RERE: variants seen among roughly 807,000 people sequenced by gnomAD.
RERE encodes arginine-glutamic acid dipeptide repeats.
A neutral mutation model predicts 146.1 loss-of-function variants in RERE; 40 were observed. The observed-to-expected ratio is 0.27, with a 90% CI of 0.21 to 0.36. RERE has a LOEUF of 0.36. Among genes scored for constraint, RERE ranks in the 10% least tolerant of loss-of-function variants. The pLI is 1.00. For synonymous variants in RERE, 1,003 were observed against 866.0 expected (o/e 1.16, Z -2.78); for missense variants, 1,933 against 2,138.7 (o/e 0.90, Z 1.90).
intron 4 of RERE, among the ~76,000 whole-genome samples, chr1:8,585,239 T>C (rs907360767): frequency 4.0e-5 from 6 of 151,840 alleles, no homozygotes; most frequent in Non-Finnish European, 8.8e-5. Context: ...AGAAAAGAGA[T>C]AGAGATGGAA....
intron 1 of RERE, among the ~76,000 whole-genome samples, chr1:8,718,937 T>G (rs1639810464): frequency 6.6e-6 from 1 of 152,202 alleles, no homozygotes; most frequent in Non-Finnish European, 1.5e-5. Context: ...CCGTGTCATC[T>G]TGGACTCTGT....
intron 1 of RERE, among the ~76,000 whole-genome samples, chr1:8,675,314 T>C (rs1227065474): frequency 6.6e-6 from 1 of 152,010 alleles, no homozygotes; most frequent in Non-Finnish European, 1.5e-5. Context: ...ACAAATGACA[T>C]GATATGATAC....
Position 8,512,195 on chromosome 1 carries a change from G to A in RERE, c.831-3520C>T, listed in dbSNP as rs574914384. ...ACTACAGGCGCCCGCCACCGCGCCC[G>A]GCTAATTTTTTGTATTTTTAGTAGA... On this transcript the variant is annotated intron_variant, in intron 7 of 22. Transcript: ENST00000400908. 2.0e-4 allele frequency among the ~76,000 whole-genome samples: 29 copies of A among 147,928 alleles called. 1 individual carries two copies. The highest frequency in any genetic ancestry group is 1.5e-3 in the Admixed American group (22 of 14,824).
At chr1:8,722,238 C>G (rs1557503219) in intron 1 of RERE, among the ~76,000 whole-genome samples, 1 of 152,212 alleles carries the variant, frequency 6.6e-6, no homozygotes, top group South Asian at 2.1e-4. Flanking sequence ...CCTGCCTCAA[C>G]CTTTGCTAAC....
At chr1:8,659,815 A>C (rs971239802) in intron 1 of RERE, among the ~76,000 whole-genome samples, 17 of 152,222 alleles carry the variant, frequency 1.1e-4, no homozygotes, top group Non-Finnish European at 2.4e-4. Flanking sequence ...CAAAGAGAAA[A>C]AATAGTAAGT....
intron 10 of RERE, among the ~76,000 whole-genome samples, chr1:8,480,852 T>C (rs12568293): frequency 0.16 from 24,975 of 152,248 alleles, 2,369 homozygotes; most frequent in Middle Eastern, 0.29. Context: ...GATCAAACGG[T>C]AAGTGGATGT....
At chr1:8,761,520 T>C (rs1019100796) in intron 1 of RERE, among the ~76,000 whole-genome samples, 2 of 152,214 alleles carry the variant, frequency 1.3e-5, no homozygotes, top group African/African-American at 4.8e-5. Flanking sequence ...CTCCCCCACA[T>C]GTAAGACTAT....
At position 8,361,016 on chromosome 1, in the gene RERE, C is replaced by A; in HGVS notation, c.2491G>T (p.Gly831Trp). The A allele has an allele frequency of 7.0e-7, 1 of 1,434,894 alleles. No individual in the cohort carries two copies. The highest frequency in any genetic ancestry group is 9.1e-7 in the Non-Finnish European group (1 of 1,100,338). The allele number at this position is 1,434,894 out of a possible 1,614,324, so 88.9% of individuals were successfully genotyped here. A position where few individuals can be genotyped will look rare whatever the true frequency, so the allele number is the denominator to read the frequency against. The change falls in exon 18 of 23, where the codon GGG (glycine) becomes TGG (tryptophan). Residue 831 changes from glycine (G) to tryptophan (W), a missense_variant. Gly to Trp is a radical substitution (Grantham distance 184, BLOSUM62 -2). Coordinates refer to ENST00000400908, the MANE Select transcript of RERE (RefSeq NM_001042681.2). The stretch of plus-strand genomic sequence containing the variant: ...GGTGCAGAAGGCTGGCCCGCCGACC[C>A]AGTCAGAGGCTGCAGCGGGGGATGT... ...SPHPPLQPLT[G>W]SAGQPSAPSH...
chr1:8,767,667 A>G (rs566256856), intron 1 of RERE, among the ~76,000 whole-genome samples: 2 of 131,354 alleles, frequency 1.5e-5, no homozygotes, highest in East Asian at 5.2e-4. Flanking sequence ...TTTCTAAATA[A>G]AAAGCTTTCT....
intron 1 of RERE, among the ~76,000 whole-genome samples, chr1:8,739,392 G>A (rs1206529843): frequency 2.6e-5 from 4 of 152,156 alleles, no homozygotes; most frequent in Non-Finnish European, 5.9e-5. Context: ...TTGTGGGAGA[G>A]TGTCTCAGTG....
chr1:8,724,617 T>C (rs1215068359), intron 1 of RERE, among the ~76,000 whole-genome samples: 1 of 151,980 alleles, frequency 6.6e-6, no homozygotes. Flanking sequence ...GAGGCTGAGG[T>C]GGGCAGATCA....
chr1:8,397,858 C>A (rs530717565), intron 12 of RERE, among the ~76,000 whole-genome samples: 11 of 152,296 alleles, frequency 7.2e-5, no homozygotes, highest in African/African-American at 2.6e-4. Flanking sequence ...CCAGAATAAT[C>A]TTCAAAAAGA....
At chr1:8,694,977 G>GGT (rs1553135219) in intron 1 of RERE, among the ~76,000 whole-genome samples, 2 of 127,536 alleles carry the variant, frequency 1.6e-5, no homozygotes, top group African/African-American at 5.6e-5. Flanking sequence ...ATCCTAAGGG[G>GGT]GGGGGGGGAA....
At chr1:8,709,441 A>G (rs1210918177) in intron 1 of RERE, among the ~76,000 whole-genome samples, 2 of 152,068 alleles carry the variant, frequency 1.3e-5, no homozygotes, top group Non-Finnish European at 2.9e-5. Flanking sequence ...TTTTTAGAGT[A>G]TATGGTCCTA....
At chr1:8,481,409 C>T (rs770212642) in intron 10 of RERE, among the ~76,000 whole-genome samples, 1 of 152,132 alleles carries the variant, frequency 6.6e-6, no homozygotes, top group Non-Finnish European at 1.5e-5. Flanking sequence ...CCACCGCACC[C>T]GGCCCGATTA....
At chr1:8,628,673 A>C (rs144215854) in intron 2 of RERE, among the ~76,000 whole-genome samples, 109 of 152,322 alleles carry the variant, frequency 7.2e-4, no homozygotes, top group African/African-American at 2.5e-3. Context: ...GCTATTTAAG[A>C]AAATAATTTA....
chr1:8,797,072 A>C (rs1203546656), intron 1 of RERE, among the ~76,000 whole-genome samples: 3 of 147,582 alleles, frequency 2.0e-5, no homozygotes, highest in Non-Finnish European at 4.5e-5. Context: ...TAGTTTCCTC[A>C]AAAAAAAAAA....
intron 12 of RERE, among the ~76,000 whole-genome samples, chr1:8,371,059 C>G (rs909574145): frequency 1.3e-5 from 2 of 152,166 alleles, no homozygotes; most frequent in Non-Finnish European, 2.9e-5. Context: ...GCTATAATTG[C>G]ACACAGCATG....
chr1:8,578,156 T>A (rs1646319595), intron 4 of RERE, among the ~76,000 whole-genome samples: 1 of 152,208 alleles, frequency 6.6e-6, no homozygotes, highest in African/African-American at 2.4e-5. Context: ...AAACCTGTCC[T>A]GAAAGAAAGC....
Sources: gnomAD v4.1 joint callset for allele counts (sites outside exome capture counted in the v4.1 genomes callset) on GRCh38, gnomAD v4.1.1 for gene constraint, MANE v1.5 for transcripts, NCBI Gene and HGNC (gene_info 2026-07-23, HGNC 2026-07-21) for gene names.